The following BBX variants were observed in gnomAD, a reference collection of about 807,000 sequenced individuals.
BBX encodes the protein BBX high mobility group box domain containing.
Under a neutral mutation model 100.2 loss-of-function variants are expected in BBX, and 30 were observed. The ratio of observed to expected loss-of-function variants is 0.30; its 90% confidence interval spans 0.22 to 0.41. The LOEUF (loss-of-function observed/expected upper bound fraction) is 0.41. Among genes scored for constraint, BBX ranks in the 10% least tolerant of loss-of-function variants. The probability of loss-of-function intolerance (pLI) is 1.00; values close to 1 mark genes in which losing one functional copy is unlikely to be tolerated. For synonymous variants in BBX, 376 were observed against 388.1 expected (o/e 0.97, Z 0.37); for missense variants, 1,023 against 1,129.8 (o/e 0.91, Z 1.35).
At chr3:107,718,384 G>A (rs2062272694) in intron 5 of BBX, among the ~76,000 whole-genome samples, 3 of 150,488 alleles carry the variant, frequency 2.0e-5, no homozygotes, top group East Asian at 3.9e-4. Context: ...TATAGGGCCT[G>A]TGGAAAATTT....
At chr3:107,802,922 G>A (rs1021741982) in intron 17 of BBX, among the ~76,000 whole-genome samples, 63 of 152,148 alleles carry the variant, frequency 4.1e-4, no homozygotes, top group Non-Finnish European at 5.9e-5. Context: ...TCCTCCTGAT[G>A]CCCTAGGCTG....
At chr3:107,638,780 TACACACACAC>T (rs61081300) in intron 2 of BBX, among the ~76,000 whole-genome samples, 23,312 of 99,622 alleles carry the variant, frequency 0.23, 4,145 homozygotes, top group East Asian at 0.62. Flanking sequence ...AAAAAAAGTA[TACACACACAC>T]ACACACACAC....
rs758572861 is a variant in BBX at position 107,801,241 on chromosome 3, G to T, written c.2698G>T (p.Ala900Ser). Residue 900 changes from alanine (A) to serine (S), a missense_variant, in exon 17 of 18, where the codon GCT becomes TCT. Coordinates refer to ENST00000325805, the MANE Select transcript of BBX (RefSeq NM_001142568.3). ...TGCCGTGTCTGCGTTCTTTAGCCTCGCTGCGCTGGCTGAAGTGGCAGCCAT... is the reference window on the plus strand; with the variant it reads ...TGCCGTGTCTGCGTTCTTTAGCCTCTCTGCGCTGGCTGAAGTGGCAGCCAT... ...MPAVSAFFSL[A>S]ALAEVAAMEN... The T allele has an allele frequency of 3.7e-6, 6 of 1,614,138 alleles. No homozygotes were observed. In the Admixed American group the frequency reaches 5.0e-5, roughly 13 times the overall value.
chr3:107,805,536 AG>A lies in BBX; in HGVS notation c.*80del. ...TTACCGAGGGATGCTAGTGAGTCCA[AG>A]TGGTGGAAAATATAGACTGCAAACA... On this transcript the variant is annotated 3_prime_UTR_variant, in exon 18 of 18. Transcript: ENST00000325805. 1 of 1,611,014 alleles carries A rather than the reference AG, an allele frequency of 6.2e-7. No homozygotes were observed. Among genetic ancestry groups the A allele is most frequent in the Non-Finnish European group, 8.5e-7 (1 of 1,178,302 alleles).
intron 3 of BBX, among the ~76,000 whole-genome samples, chr3:107,682,669 G>A (rs943123022): frequency 1.3e-5 from 2 of 152,102 alleles, no homozygotes; most frequent in Admixed American, 1.3e-4. Flanking sequence ...TATGTTGAGA[G>A]TCTATTTTAT....
intron 3 of BBX, among the ~76,000 whole-genome samples, chr3:107,663,812 T>C (rs75808948): frequency 1.3e-5 from 1 of 75,612 alleles, no homozygotes; most frequent in African/African-American, 5.3e-5. Flanking sequence ...TTTTTTTTCC[T>C]TTTTTTTTTT....
Position 107,772,775 on chromosome 3 carries a change from A to G in BBX, c.1054A>G (p.Lys352Glu). Residue 352 changes from lysine to glutamate, a missense_variant, in exon 11 of 18, where the codon AAG becomes GAG. By Grantham distance (56) the Lys-to-Glu change is moderately conservative. Around this residue, in one of 9 missense-constraint regions of BBX, gnomAD observed 348 missense variants for 353.2 expected, o/e 0.99. Coordinates refer to ENST00000325805, the MANE Select transcript of BBX (RefSeq NM_001142568.3). ...MEKTDETRLQ[K>E]EAEFEKSAKE... ...GAAAACAGATGAAACTAGGTTACAG[A>G]AGGAAGCAGAATTTGAAAAATCGGC... 1 of 1,613,272 alleles carries G rather than the reference A, an allele frequency of 6.2e-7. No individual in the cohort carries two copies. The highest frequency in any genetic ancestry group is 1.1e-5 in the South Asian group (1 of 90,666).
intron 2 of BBX, among the ~76,000 whole-genome samples, chr3:107,639,891 T>C (rs1357458797): frequency 6.6e-6 from 1 of 152,184 alleles, no homozygotes; most frequent in Non-Finnish European, 1.5e-5. Flanking sequence ...AAATAACACT[T>C]GAGAAGTAGC....
chr3:107,801,245 C>T lies in BBX; in HGVS notation c.2702C>T (p.Ala901Val), dbSNP rs1297578261. 1.1e-5 allele frequency: 18 copies of T among 1,614,130 alleles called. No individual in the cohort carries two copies. Among genetic ancestry groups the T allele is most frequent in the East Asian group, 2.2e-5 (1 of 44,880 alleles). The change falls in exon 17 of 18, where the codon GCG becomes GTG. Residue 901 changes from alanine to valine, a missense_variant. Coordinates refer to ENST00000325805, the MANE Select transcript of BBX (RefSeq NM_001142568.3). ...PAVSAFFSLA[A>V]LAEVAAMENV... ...GTGTCTGCGTTCTTTAGCCTCGCTG[C>T]GCTGGCTGAAGTGGCAGCCATGGAA...
Position 107,629,290 on chromosome 3 carries a change from A to G in BBX, c.-83-16546A>G, listed in dbSNP as rs114549895. Among the ~76,000 whole-genome samples, 415 of 152,340 alleles carry G rather than the reference A, an allele frequency of 2.7e-3. 1 individual carries two copies. Among genetic ancestry groups the G allele is most frequent in the African/African-American group, 9.5e-3 (394 of 41,584 alleles). ...ATGAAAAGCAAACAACTTCCTTACA[A>G]TTTCACTTGAAACCTATCCAGGGTC... On this transcript the variant is annotated intron_variant, in intron 2 of 17. Coordinates refer to ENST00000325805, the MANE Select transcript of BBX (RefSeq NM_001142568.3).
chr3:107,693,843 T>C (rs1384159288), intron 3 of BBX, among the ~76,000 whole-genome samples: 11 of 149,716 alleles, frequency 7.3e-5, no homozygotes, highest in Admixed American at 7.3e-4. Flanking sequence ...TGGAATGTTC[T>C]TCCATTTGTT....
intron 17 of BBX, among the ~76,000 whole-genome samples, chr3:107,803,866 C>T (rs1206371091): frequency 6.6e-6 from 1 of 152,038 alleles, no homozygotes; most frequent in Non-Finnish European, 1.5e-5. Flanking sequence ...GACTTCTTTC[C>T]TTTTTCCATT....
chr3:107,655,744 A>G (rs1190252620), intron 3 of BBX, among the ~76,000 whole-genome samples: 1 of 149,794 alleles, frequency 6.7e-6, no homozygotes, highest in East Asian at 2.0e-4. Flanking sequence ...TCTGTCCCCC[A>G]GGCTGGAATG....
intron 2 of BBX, among the ~76,000 whole-genome samples, chr3:107,620,923 A>AT (rs1170694237): frequency 4.1e-5 from 4 of 97,806 alleles, no homozygotes; most frequent in Non-Finnish European, 7.4e-5. Context: ...CACATGATTG[A>AT]TTTCTGCGGA....
At chr3:107,601,634 A>G (rs1188593152) in intron 2 of BBX, among the ~76,000 whole-genome samples, 1 of 152,242 alleles carries the variant, frequency 6.6e-6, no homozygotes. Flanking sequence ...AAAAAGCTGC[A>G]GAAGAAAAGT....
intron 2 of BBX, among the ~76,000 whole-genome samples, chr3:107,643,890 A>G (rs2057365865): frequency 6.6e-6 from 1 of 152,196 alleles, no homozygotes; most frequent in East Asian, 1.9e-4. Flanking sequence ...GACTTATCAC[A>G]GGCAGGACCC....
rs959122227 is a variant in BBX, at chr3:107,806,576, T to C, written c.*1119T>C. The stretch of plus-strand genomic sequence containing the variant: ...TACTGAGTCAATGATGAGGGAGGTA[T>C]GCCTGACCAGAGTGGGACTCTCAGT... On this transcript the variant is annotated 3_prime_UTR_variant, in exon 18 of 18. Coordinates refer to ENST00000325805, the MANE Select transcript of BBX (RefSeq NM_001142568.3). 11 of 152,220 alleles carry C rather than the reference T, an allele frequency of 7.2e-5. No individual in the cohort carries two copies. The highest frequency in any genetic ancestry group is 2.7e-4 in the African/African-American group (11 of 41,456). The allele number at this position is 152,220 out of a possible 1,614,324, so 9.4% of individuals were successfully genotyped here.
At chr3:107,563,874 C>T (rs1041012132) in intron 2 of BBX, among the ~76,000 whole-genome samples, 11 of 152,108 alleles carry the variant, frequency 7.2e-5, no homozygotes, top group Non-Finnish European at 1.6e-4. Context: ...CACATTTTCT[C>T]GACTTTCATT....
intron 1 of BBX, among the ~76,000 whole-genome samples, chr3:107,525,910 C>T (rs1210717066): frequency 2.0e-5 from 3 of 152,212 alleles, no homozygotes; most frequent in Non-Finnish European, 2.9e-5. Context: ...GTCTCCTGGG[C>T]AAGGCGAGGC....
Sources: gnomAD v4.1 joint callset for allele counts (sites outside exome capture counted in the v4.1 genomes callset) on GRCh38, gnomAD v4.1.1 for gene constraint, gnomAD v4.1.1 regional missense constraint, MANE v1.5 for transcripts, NCBI Gene and HGNC (gene_info 2026-07-23, HGNC 2026-07-21) for gene names.